The following KCNH1 variants were observed in gnomAD, a reference collection of about 807,000 sequenced individuals.
The protein encoded by KCNH1 is potassium voltage-gated channel subfamily H member 1.
KCNH1 carries 27 observed loss-of-function variants against 69.2 expected under a neutral mutation model. The observed-to-expected ratio is 0.39, with a 90% confidence interval of 0.29 to 0.54. The LOEUF is 0.54. Among genes scored for constraint, KCNH1 ranks in the 20% least tolerant of loss-of-function variants. The pLI, the probability that KCNH1 is intolerant of heterozygous loss-of-function variation, is 0.68. For synonymous variants in KCNH1, 456 were observed against 487.7 expected (o/e 0.93, Z 0.86); for missense variants, 798 against 1,261.6 (o/e 0.63, Z 5.57).
chr1:210,713,310 A>G (rs942081362), intron 10 of KCNH1, among the ~76,000 whole-genome samples: 1 of 152,236 alleles, frequency 6.6e-6, no homozygotes, highest in African/African-American at 2.4e-5. Context: ...GAAAGATGGC[A>G]ATATCAGCAG....
chr1:211,104,058 C>CAG (rs1417037921), intron 2 of KCNH1, among the ~76,000 whole-genome samples: 2 of 152,148 alleles, frequency 1.3e-5, no homozygotes, highest in Non-Finnish European at 2.9e-5. Flanking sequence ...TGCAAAGGCA[C>CAG]AGAGGTGACA....
At chr1:210,939,988 T>C (rs1282204587) in intron 6 of KCNH1, among the ~76,000 whole-genome samples, 2 of 152,206 alleles carry the variant, frequency 1.3e-5, no homozygotes, top group Non-Finnish European at 2.9e-5. Flanking sequence ...GATAGTCTTG[T>C]TTGTTGTCTT....
At chr1:210,720,850 A>G (rs780992018) in intron 10 of KCNH1, among the ~76,000 whole-genome samples, 27 of 152,208 alleles carry the variant, frequency 1.8e-4, no homozygotes, top group Admixed American at 3.9e-4. Context: ...TGTCCAGGAA[A>G]GTTGGGCCTC....
chr1:210,844,576 C>A (rs1482324769), intron 7 of KCNH1, among the ~76,000 whole-genome samples: 2 of 152,166 alleles, frequency 1.3e-5, no homozygotes, highest in African/African-American at 2.4e-5. Context: ...ACATTCAAAG[C>A]AGTGTGTAGA....
intron 9 of KCNH1, among the ~76,000 whole-genome samples, chr1:210,785,396 T>G (rs1160595004): frequency 1.4e-5 from 2 of 142,572 alleles, no homozygotes; most frequent in African/African-American, 5.3e-5. Flanking sequence ...TCTCTTACTC[T>G]GTTTTTTTTT....
chr1:210,732,651 A>G (rs1682772735), intron 10 of KCNH1, among the ~76,000 whole-genome samples: 1 of 152,190 alleles, frequency 6.6e-6, no homozygotes, highest in South Asian at 2.1e-4. Context: ...TAACAGCAAT[A>G]TATTGCTCAC....
chr1:210,793,043 T>C (rs1235335236), intron 9 of KCNH1, among the ~76,000 whole-genome samples: 1 of 152,196 alleles, frequency 6.6e-6, no homozygotes, highest in Non-Finnish European at 1.5e-5. Context: ...AAATTACTTT[T>C]TAAAATCTAA....
intron 4 of KCNH1, among the ~76,000 whole-genome samples, 186 bp from the exon 5 acceptor site, chr1:211,083,084 C>G (rs1690886997): frequency 6.6e-6 from 1 of 152,246 alleles, no homozygotes; most frequent in African/African-American, 2.4e-5. Context: ...TCGCAACTTG[C>G]TTTTCCCCTG....
chr1:210,856,821 T>A (rs1218521244), intron 7 of KCNH1, among the ~76,000 whole-genome samples: 2 of 131,112 alleles, frequency 1.5e-5, no homozygotes, highest in Non-Finnish European at 3.2e-5. Flanking sequence ...ATTATATATA[T>A]TTTATATATA....
At chr1:210,958,570 T>C (rs1574361655) in intron 6 of KCNH1, among the ~76,000 whole-genome samples, 1 of 152,248 alleles carries the variant, frequency 6.6e-6, no homozygotes, top group Admixed American at 6.5e-5. Flanking sequence ...TTTGGTCTTT[T>C]CACATAGTCC....
chr1:211,049,934 G>A (rs1411122813), intron 5 of KCNH1, among the ~76,000 whole-genome samples: 1 of 152,048 alleles, frequency 6.6e-6, no homozygotes, highest in African/African-American at 2.4e-5. Context: ...GAAGAAACCA[G>A]AGTCAAACAC....
At chr1:211,110,368 A>G (rs1002450343) in intron 1 of KCNH1, among the ~76,000 whole-genome samples, 1 of 152,194 alleles carries the variant, frequency 6.6e-6, no homozygotes. Context: ...TTCAGAGACT[A>G]GAAGTTCCAA....
chr1:211,108,011 A>T (rs180693426), intron 1 of KCNH1, among the ~76,000 whole-genome samples: 2 of 152,274 alleles, frequency 1.3e-5, no homozygotes, highest in East Asian at 3.9e-4. Context: ...CTTCTTGCTA[A>T]TTTTGAAATT....
At chr1:210,718,041 C>T (rs866972972) in intron 10 of KCNH1, among the ~76,000 whole-genome samples, 22 of 151,336 alleles carry the variant, frequency 1.5e-4, no homozygotes, top group African/African-American at 5.3e-4. Context: ...CAGGAGGTGG[C>T]GGTTGCAGTG....
Position 210,680,360 on chromosome 1 carries a change from A to G in KCNH1, c.*2921T>C, listed in dbSNP as rs1172390841. 7.7e-6 allele frequency: 1 copy of G among 129,888 alleles called. No homozygotes were observed. The highest frequency in any genetic ancestry group is 1.8e-5 in the Non-Finnish European group (1 of 54,328). 8.0% of individuals were successfully genotyped at this position (129,888 alleles called of 1,614,324 possible). On this transcript the variant is annotated 3_prime_UTR_variant, in exon 11 of 11. Coordinates refer to ENST00000271751, the MANE Select transcript of KCNH1 (RefSeq NM_172362.3). ...CCAGCACTTACTAGATAATGGTGCC[A>G]CATATCATGCCCCGACTCCTCAAAG...
intron 6 of KCNH1, among the ~76,000 whole-genome samples, chr1:210,933,526 TAA>T (rs35513980): frequency 5.3e-5 from 8 of 149,802 alleles, no homozygotes; most frequent in South Asian, 2.1e-4. Flanking sequence ...TAATAAAATT[TAA>T]AAAAAAAATC....
At chr1:211,124,356 A>G (rs1365782511) in intron 1 of KCNH1, among the ~76,000 whole-genome samples, 1 of 152,176 alleles carries the variant, frequency 6.6e-6, no homozygotes, top group Non-Finnish European at 1.5e-5. Flanking sequence ...GGTCTGCACA[A>G]AATGTTAAGA....
chr1:210,748,636 C>G (rs1441103893), intron 10 of KCNH1, among the ~76,000 whole-genome samples: 3 of 152,204 alleles, frequency 2.0e-5, no homozygotes, highest in African/African-American at 7.2e-5. Context: ...TAAATAAGCA[C>G]AGCCCCTTTC....
intron 9 of KCNH1, among the ~76,000 whole-genome samples, chr1:210,778,118 C>T (rs1168559334): frequency 2.0e-5 from 3 of 152,210 alleles, no homozygotes; most frequent in Non-Finnish European, 2.9e-5. Context: ...TCTTAGTTGT[C>T]CTGCTCAGTC....
Sources: allele counts gnomAD v4.1 joint callset (sites outside exome capture counted in the v4.1 genomes callset), GRCh38; gene constraint gnomAD v4.1.1; transcripts MANE v1.5; gene names NCBI Gene and HGNC (gene_info 2026-07-23, HGNC 2026-07-21).